The following CTNND2 variants were observed in gnomAD, a reference collection of about 807,000 sequenced individuals.
The protein encoded by CTNND2 is catenin delta 2.
CTNND2 carries 22 observed loss-of-function variants against 144.4 expected under a neutral mutation model. The observed-to-expected ratio is 0.15, with a 90% CI of 0.11 to 0.22. The LOEUF (loss-of-function observed/expected upper bound fraction) is 0.22, where lower values mean the gene tolerates loss of function less well. Among genes scored for constraint, CTNND2 ranks in the 10% least tolerant of loss-of-function variants. The pLI is 1.00. For missense variants in CTNND2, 1,353 were observed against 1,618.8 expected, an observed-to-expected ratio of 0.84 and a Z score of 2.82; for synonymous variants, 751 against 695.6, an observed-to-expected ratio of 1.08 and a Z score of -1.25.
intron 16 of CTNND2, among the ~76,000 whole-genome samples, chr5:11,035,082 C>T (rs979104723): frequency 7.2e-6 from 1 of 137,934 alleles, no homozygotes; most frequent in Non-Finnish European, 1.5e-5. Context: ...TCCATGTGTT[C>T]TCATTGTTCA....
chr5:11,425,781 T>G (rs547378138), intron 3 of CTNND2, among the ~76,000 whole-genome samples: 2 of 152,312 alleles, frequency 1.3e-5, no homozygotes, highest in South Asian at 4.1e-4. Context: ...AAGAGCTCTG[T>G]GCCTGGGTGG....
intron 1 of CTNND2, among the ~76,000 whole-genome samples, chr5:11,764,512 T>C (rs1789467253): frequency 1.3e-5 from 2 of 152,168 alleles, no homozygotes; most frequent in South Asian, 4.1e-4. Context: ...CCAAAGCCAC[T>C]GTCTACTAGT....
intron 18 of CTNND2, among the ~76,000 whole-genome samples, chr5:11,014,096 A>G (rs1561171920): frequency 6.6e-6 from 1 of 151,874 alleles, no homozygotes; most frequent in Non-Finnish European, 1.5e-5. Flanking sequence ...CTCAGCTCCT[A>G]TAGTTTTGGG....
At chr5:10,987,972 T>C (rs1738206420) in intron 20 of CTNND2, 139 bp downstream of exon 20, 1 of 1,055,622 alleles carries the variant, frequency 9.5e-7, no homozygotes, top group Non-Finnish European at 1.4e-6. Context: ...ATTATCAAGC[T>C]CTCAAGTGAC....
chr5:11,389,999 C>A (rs948828225), intron 6 of CTNND2, among the ~76,000 whole-genome samples: 16 of 152,076 alleles, frequency 1.1e-4, no homozygotes, highest in Non-Finnish European at 2.4e-4. Context: ...ATTATGGATA[C>A]GCAAGTATTC....
chr5:11,118,249 T>C (rs1165312539), intron 12 of CTNND2, among the ~76,000 whole-genome samples: 1 of 152,202 alleles, frequency 6.6e-6, no homozygotes, highest in Non-Finnish European at 1.5e-5. Flanking sequence ...AAGGAAAATC[T>C]TGGGGTGCTT....
At chr5:11,531,969 T>C (rs953908081) in intron 3 of CTNND2, among the ~76,000 whole-genome samples, 3 of 152,158 alleles carry the variant, frequency 2.0e-5, no homozygotes, top group Admixed American at 6.5e-5. Flanking sequence ...GCCACGTGCC[T>C]CCCAAACTGT....
intron 9 of CTNND2, among the ~76,000 whole-genome samples, chr5:11,260,627 C>A (rs1744763661): frequency 6.6e-6 from 1 of 152,100 alleles, no homozygotes; most frequent in Non-Finnish European, 1.5e-5. Flanking sequence ...CAAGTGAGAA[C>A]CCACTCTCAC....
chr5:11,849,862 G>C (rs116260242), intron 1 of CTNND2, among the ~76,000 whole-genome samples: 2,601 of 152,232 alleles, frequency 0.017, 41 homozygotes, highest in Non-Finnish European at 0.028. Context: ...CAGGAACCCA[G>C]AATGGCTGAG....
chr5:11,009,374 A>AG (rs1423620144), intron 18 of CTNND2, among the ~76,000 whole-genome samples: 2 of 152,192 alleles, frequency 1.3e-5, no homozygotes, highest in Non-Finnish European at 1.5e-5. Context: ...GCATTGAGAC[A>AG]GGGGAAGCCA....
At chr5:11,583,726 A>T (rs1778613648) in intron 2 of CTNND2, among the ~76,000 whole-genome samples, 1 of 152,228 alleles carries the variant, frequency 6.6e-6, no homozygotes, top group African/African-American at 2.4e-5. Flanking sequence ...ATAAATTTTT[A>T]AATGAAGAAA....
At chr5:11,087,455 CTG>C (rs1435756548) in intron 15 of CTNND2, among the ~76,000 whole-genome samples, 10 of 152,194 alleles carry the variant, frequency 6.6e-5, no homozygotes, top group African/African-American at 9.7e-5. Flanking sequence ...TGGAAAGGAA[CTG>C]TGCTTGGTTC....
At chr5:11,286,176 T>G (rs1747733099) in intron 9 of CTNND2, among the ~76,000 whole-genome samples, 1 of 152,052 alleles carries the variant, frequency 6.6e-6, no homozygotes, top group Admixed American at 6.5e-5. Context: ...TACTATGAAC[T>G]TCATATAAGG....
chr5:11,591,731 T>C (rs1409088261), intron 2 of CTNND2, among the ~76,000 whole-genome samples: 1 of 152,182 alleles, frequency 6.6e-6, no homozygotes, highest in African/African-American at 2.4e-5. Flanking sequence ...GTGGTTATAC[T>C]TTCTCTGCCT....
intron 9 of CTNND2, among the ~76,000 whole-genome samples, chr5:11,315,023 A>C (rs1244502850): frequency 1.3e-5 from 2 of 152,226 alleles, no homozygotes; most frequent in Non-Finnish European, 2.9e-5. Flanking sequence ...CTGGGTATCA[A>C]GTCTTTTAAT....
intron 1 of CTNND2, among the ~76,000 whole-genome samples, chr5:11,763,012 G>T (rs1251529068): frequency 6.6e-6 from 1 of 152,162 alleles, no homozygotes; most frequent in Admixed American, 6.5e-5. Flanking sequence ...GGAGGTGAAT[G>T]GGTCATAGGG....
Position 11,155,213 on chromosome 5 carries a change from G to A in CTNND2, c.2159+4363C>T, listed in dbSNP as rs537690652. ...TTTGGTTGAAGGTGATGATTATAGC[G>A]GCCACAGGTTAAGAGATGGATTTGA... On this transcript the variant is annotated intron_variant, in intron 12 of 21. Transcript: ENST00000304623. 4.6e-5 allele frequency among the ~76,000 whole-genome samples: 7 copies of A among 152,206 alleles called. No homozygotes were observed. In the South Asian group the frequency reaches 6.2e-4, roughly 14 times the overall value.
At chr5:10,998,135 T>G (rs1334424501) in intron 18 of CTNND2, among the ~76,000 whole-genome samples, 1 of 152,188 alleles carries the variant, frequency 6.6e-6, no homozygotes. Context: ...TTCAAATCCT[T>G]CATAAAATCA....
Position 11,002,231 on chromosome 5 carries a change from C to T in CTNND2, c.3085-9554G>A, listed in dbSNP as rs563085358. ...GATGGGTCACCTTGTGGGAATATTA[C>T]TGGGTAGGGAACAGTGATGACCAGT... On this transcript the variant is annotated intron_variant, in intron 18 of 21. Coordinates refer to ENST00000304623, the MANE Select transcript of CTNND2 (RefSeq NM_001332.4). 2.3e-4 allele frequency among the ~76,000 whole-genome samples: 35 copies of T among 152,342 alleles called. No individual in the cohort carries two copies. The South Asian group carries it at 3.5e-3, about 15-fold the overall frequency.
Sources: gnomAD v4.1 joint callset for allele counts (sites outside exome capture counted in the v4.1 genomes callset) on GRCh38, gnomAD v4.1.1 for gene constraint, MANE v1.5 for transcripts, NCBI Gene and HGNC (gene_info 2026-07-23, HGNC 2026-07-21) for gene names.